The following RALGPS2 variants were observed in gnomAD, a reference collection of about 807,000 sequenced individuals.
RALGPS2 encodes the protein Ral GEF with PH domain and SH3 binding motif 2.
A neutral mutation model predicts 86.8 loss-of-function variants in RALGPS2; 43 were observed. The ratio of observed to expected loss-of-function variants is 0.50; its 90% CI spans 0.39 to 0.64. The LOEUF (loss-of-function observed/expected upper bound fraction) is 0.64. Among genes scored for constraint, RALGPS2 ranks in the 30% least tolerant of loss-of-function variants. The pLI, the probability that RALGPS2 is intolerant of heterozygous loss-of-function variation, is 0.00. For missense variants in RALGPS2, 536 were observed against 694.6 expected (o/e 0.77, Z 2.57); for synonymous variants, 243 against 231.3 (o/e 1.05, Z -0.46).
At chr1:178,738,795 C>G (rs765097887) in intron 1 of RALGPS2, among the ~76,000 whole-genome samples, 10 of 152,136 alleles carry the variant, frequency 6.6e-5, no homozygotes, top group Non-Finnish European at 1.2e-4. Flanking sequence ...GTAAGGATTT[C>G]TTTTACTCTT....
intron 8 of RALGPS2, among the ~76,000 whole-genome samples, chr1:178,859,695 CTTTTTTT>C (rs1190050936): frequency 9.2e-6 from 1 of 108,250 alleles, no homozygotes; most frequent in Non-Finnish European, 1.9e-5. Flanking sequence ...ACACGAAGCA[CTTTTTTT>C]TTTTTTTTTT....
intron 8 of RALGPS2, chr1:178,852,682 C>A (rs745970245): frequency 1.2e-6 from 2 of 1,610,114 alleles, no homozygotes; most frequent in Admixed American, 3.4e-5. Context: ...TTCATACTTA[C>A]CTGCATACAT....
At chr1:178,799,916 G>A (rs1364689609) in intron 4 of RALGPS2, among the ~76,000 whole-genome samples, 4 of 152,120 alleles carry the variant, frequency 2.6e-5, no homozygotes, top group Admixed American at 1.3e-4. Context: ...AGAAAACTGT[G>A]TCCAGATGTT....
intron 8 of RALGPS2, among the ~76,000 whole-genome samples, chr1:178,851,684 A>G (rs1657184268): frequency 6.6e-6 from 1 of 152,202 alleles, no homozygotes; most frequent in East Asian, 1.9e-4. Flanking sequence ...AATTGTCAAA[A>G]TAAAATAGCA....
chr1:178,798,471 A>G (rs188614522), intron 4 of RALGPS2, among the ~76,000 whole-genome samples: 1 of 152,302 alleles, frequency 6.6e-6, no homozygotes, highest in Non-Finnish European at 1.5e-5. Context: ...GACCCATAAG[A>G]AATACCATTA....
chr1:178,865,230 T>G, intron 8 of RALGPS2: 1 of 1,614,126 alleles, frequency 6.2e-7, no homozygotes, highest in South Asian at 1.1e-5. Flanking sequence ...ACAAGATCAG[T>G]CAAGGAAGCG....
At chr1:178,814,064 C>T (rs1208725097) in intron 6 of RALGPS2, among the ~76,000 whole-genome samples, 1 of 152,206 alleles carries the variant, frequency 6.6e-6, no homozygotes, top group African/African-American at 2.4e-5. Context: ...TCATATGCCA[C>T]CTCCTTCCCT....
chr1:178,756,682 T>C (rs1651972902), intron 1 of RALGPS2, among the ~76,000 whole-genome samples: 1 of 152,190 alleles, frequency 6.6e-6, no homozygotes, highest in Admixed American at 6.5e-5. Context: ...GTAGTTTTTT[T>C]CTGGTTCTGT....
At chr1:178,886,347 G>A (rs12133376) in intron 13 of RALGPS2, among the ~76,000 whole-genome samples, 6,889 of 152,288 alleles carry the variant, frequency 0.045, 158 homozygotes, top group Non-Finnish European at 0.057. Flanking sequence ...AGAACATATG[G>A]GCTGGTTGAA....
rs755290551 is a variant in RALGPS2 at position 178,739,621 on chromosome 1, A to G, written c.-84+14202A>G. The stretch of plus-strand genomic sequence containing the variant: ...TACCTTTGATGAGGTGGGACTAAAT[A>G]TTCAGCCCTTAGAAATGAAGCAGGG... On this transcript the variant is annotated intron_variant, in intron 1 of 19. Transcript: ENST00000367635. Among the ~76,000 whole-genome samples, 53 of 152,324 alleles carry G rather than the reference A, an allele frequency of 3.5e-4. No individual in the cohort carries two copies. The Middle Eastern group carries it at 0.01, about 29-fold the overall frequency.
rs948405537 is a variant in RALGPS2, at chr1:178,919,456, TAGA to T, written c.*3101_*3103del. The T allele has an allele frequency of 2.6e-5, 4 of 151,986 alleles. No homozygotes were observed. Among genetic ancestry groups the T allele is most frequent in the East Asian group, 3.9e-4 (2 of 5,182 alleles). 9.4% of individuals were successfully genotyped at this position (151,986 alleles called of 1,614,324 possible). A position where few individuals can be genotyped will look rare whatever the true frequency, so the allele number is the denominator to read the frequency against. On this transcript the variant is annotated 3_prime_UTR_variant, in exon 20 of 20. Coordinates refer to ENST00000367635, the MANE Select transcript of RALGPS2 (RefSeq NM_152663.5). ...TGTATAAGTGGCTTTATTCCTCTTCTAGAAGATTTATGAGGAGCCTAGGAAGCA... is the reference window on the plus strand; with the variant it reads ...TGTATAAGTGGCTTTATTCCTCTTCTAGATTTATGAGGAGCCTAGGAAGCA...
In RALGPS2 at chr1:178,848,303, C is replaced by T. The variant is rs148549834; in HGVS notation, c.607+14753C>T. ...TCCAGCCTGGGTGACATAGTGGGAC[C>T]CTGTCTAAAAAAAAACAAAAAGAAA... On this transcript the variant is annotated intron_variant, in intron 8 of 19. Coordinates refer to ENST00000367635, the MANE Select transcript of RALGPS2 (RefSeq NM_152663.5). Among the ~76,000 whole-genome samples, 10 of 151,770 alleles carry T rather than the reference C, an allele frequency of 6.6e-5. No individual in the cohort carries two copies. The East Asian group carries it at 1.9e-3, about 29-fold the overall frequency.
intron 8 of RALGPS2, chr1:178,852,917 C>G: frequency 6.2e-7 from 1 of 1,613,142 alleles, no homozygotes; most frequent in Non-Finnish European, 8.5e-7. Flanking sequence ...TTTTCCAGTC[C>G]AAGCCAGTAT....
chr1:178,810,418 T>G (rs1398155601), intron 5 of RALGPS2, among the ~76,000 whole-genome samples: 4 of 152,060 alleles, frequency 2.6e-5, no homozygotes, highest in Non-Finnish European at 5.9e-5. Flanking sequence ...AATATTTGTA[T>G]TAAAATTTGC....
chr1:178,917,873 A>C lies in RALGPS2; in HGVS notation c.*1514A>C, dbSNP rs1395395955. 6.6e-6 allele frequency: 1 copy of C among 152,158 alleles called. No individual in the cohort carries two copies. The highest frequency in any genetic ancestry group is 1.5e-5 in the Non-Finnish European group (1 of 67,988). 9.4% of individuals were successfully genotyped at this position (152,158 alleles called of 1,614,324 possible). A position where few individuals can be genotyped will look rare whatever the true frequency, so the allele number is the denominator to read the frequency against. ...TGCTTTGTGACTGATATCTACTAAT[A>C]GACTTCTGTTACTTTGGGCCTCACA... On this transcript the variant is annotated 3_prime_UTR_variant, in exon 20 of 20. Coordinates refer to ENST00000367635, the MANE Select transcript of RALGPS2 (RefSeq NM_152663.5).
intron 8 of RALGPS2, chr1:178,865,329 C>A: frequency 6.2e-7 from 1 of 1,614,002 alleles, no homozygotes; most frequent in Non-Finnish European, 8.5e-7. Context: ...TGGGAAAGTT[C>A]AAGTGAATTA....
intron 4 of RALGPS2, among the ~76,000 whole-genome samples, chr1:178,805,048 A>C (rs1184011748): frequency 6.6e-6 from 1 of 151,028 alleles, no homozygotes. Flanking sequence ...GCATTTTTTC[A>C]TGTGTTTTTT....
chr1:178,853,478 A>G, intron 8 of RALGPS2: 1 of 916,336 alleles, frequency 1.1e-6, no homozygotes, highest in Non-Finnish European at 1.5e-6. Flanking sequence ...TAATGAAAAA[A>G]CATATGGATA....
At chr1:178,848,498 T>C (rs998746699) in intron 8 of RALGPS2, among the ~76,000 whole-genome samples, 1 of 152,154 alleles carries the variant, frequency 6.6e-6, no homozygotes, top group Non-Finnish European at 1.5e-5. Context: ...CAAGACTCTC[T>C]TTAGGCTGAA....
Sources: gnomAD v4.1 joint callset for allele counts (sites outside exome capture counted in the v4.1 genomes callset) on GRCh38, gnomAD v4.1.1 for gene constraint, MANE v1.5 for transcripts, NCBI Gene and HGNC (gene_info 2026-07-23, HGNC 2026-07-21) for gene names.